Variants in ALG6 observed in about 807,000 individuals in gnomAD.
ALG6 encodes dolichyl pyrophosphate Man9GlcNAc2 alpha-1,3-glucosyltransferase.
In ALG6, 46 loss-of-function variants were observed where a neutral mutation model predicts 66.6. That is an observed-to-expected ratio of 0.69 (90% CI 0.55 to 0.88). ALG6 has a LOEUF of 0.88. Among genes scored for constraint, ALG6 ranks in the 40% least tolerant of loss-of-function variants. The pLI, the probability that ALG6 is intolerant of heterozygous loss-of-function variation, is 0.00. For synonymous variants in ALG6, 185 were observed against 203.7 expected, an observed-to-expected ratio of 0.91 and a Z score of 0.78; for missense variants, 505 against 586.8, an observed-to-expected ratio of 0.86 and a Z score of 1.44.
chr1:63,392,708 T>C (rs1376571596), intron 2 of ALG6, among the ~76,000 whole-genome samples: 1 of 152,214 alleles, frequency 6.6e-6, no homozygotes, highest in African/African-American at 2.4e-5. Context: ...TAGTGTGTTT[T>C]CTTTATGTAA....
At chr1:63,371,294 T>G (rs1235545835) in intron 2 of ALG6, 4 of 510,820 alleles carry the variant, frequency 7.8e-6, no homozygotes, top group Non-Finnish European at 1.1e-5. Context: ...ACAGGTAAGA[T>G]GACAAATTGA....
chr1:63,426,557 T>C (rs1644616341), intron 12 of ALG6, among the ~76,000 whole-genome samples: 1 of 152,182 alleles, frequency 6.6e-6, no homozygotes, highest in African/African-American at 2.4e-5. Context: ...AGTAAGTTTT[T>C]TTAAGAGACA....
At chr1:63,423,904 G>A (rs1017459363) in intron 12 of ALG6, among the ~76,000 whole-genome samples, 4 of 152,154 alleles carry the variant, frequency 2.6e-5, no homozygotes, top group African/African-American at 9.7e-5. Context: ...CTTTTCCATA[G>A]TGGCTGCACC....
chr1:63,376,000 A>C (rs1443464559), intron 2 of ALG6, among the ~76,000 whole-genome samples: 1 of 151,220 alleles, frequency 6.6e-6, no homozygotes, highest in East Asian at 1.9e-4. Context: ...TAAAACAATC[A>C]GTCTTATTAG....
chr1:63,384,789 ATGTG>A (rs1648447299), intron 2 of ALG6, among the ~76,000 whole-genome samples: 1 of 151,960 alleles, frequency 6.6e-6, no homozygotes, highest in Non-Finnish European at 1.5e-5. Context: ...TTCACTGTAG[ATGTG>A]TGTATTTGTT....
chr1:63,392,800 A>G (rs918067555), intron 2 of ALG6, among the ~76,000 whole-genome samples: 1 of 152,180 alleles, frequency 6.6e-6, no homozygotes, highest in Non-Finnish European at 1.5e-5. Context: ...TGAAGCTCCC[A>G]TAGGTACAGT....
chr1:63,410,237 C>T, intron 7 of ALG6, among the ~76,000 whole-genome samples: 1 of 152,106 alleles, frequency 6.6e-6, no homozygotes, highest in Non-Finnish European at 1.5e-5. Flanking sequence ...CTCCCATTCT[C>T]TTTATGGCTG....
chr1:63,422,286 TATATTTATATAGATATAA>T (rs1644586079), intron 12 of ALG6, among the ~76,000 whole-genome samples: 1 of 75,648 alleles, frequency 1.3e-5, no homozygotes, highest in Non-Finnish European at 2.3e-5. Flanking sequence ...TATAAATATA[TATATTTATATAGATATAA>T]ATATATATCT....
At position 63,436,882 on chromosome 1, in the gene ALG6, TCC is replaced by T. The variant is rs774242915; in HGVS notation, c.1387_1388del (p.Pro463SerfsTer27). 7 of 1,613,738 alleles carry T rather than the reference TCC, an allele frequency of 4.3e-6. No individual in the cohort carries two copies. In the African/African-American group the frequency reaches 9.3e-5, roughly 22 times the overall value. ...CGTTGATGACTGTCACACTGGATCC[TCC>T]TCAGAAACTACCGGACTTGTTTTCT... is the stretch of plus-strand genomic sequence containing the variant. ...LTLMTVTLDP[P>X]QKLPDLFSVL... On this transcript the variant is annotated frameshift_variant, in exon 15 of 15. Coordinates refer to ENST00000263440, the MANE Select transcript of ALG6 (RefSeq NM_013339.4). LOFTEE classifies it high-confidence loss of function.
At chr1:63,428,381 T>A (rs1644628056) in intron 12 of ALG6, 1 of 182,284 alleles carries the variant, frequency 5.5e-6, no homozygotes, top group Admixed American at 5.8e-5. Flanking sequence ...ATACTGGGAA[T>A]TCATATTTAC....
At chr1:63,405,086 A>G (rs557047926) in intron 5 of ALG6, among the ~76,000 whole-genome samples, 1 of 152,124 alleles carries the variant, frequency 6.6e-6, no homozygotes, top group Non-Finnish European at 1.5e-5. Flanking sequence ...AGAGCTTTAC[A>G]TGACTTATGC....
intron 14 of ALG6, chr1:63,429,747 A>G (rs1469584437): frequency 6.6e-6 from 1 of 152,296 alleles, no homozygotes; most frequent in African/African-American, 2.4e-5. Flanking sequence ...ATATCTCCAA[A>G]TAACAGTCAC....
intron 11 of ALG6, among the ~76,000 whole-genome samples, chr1:63,418,263 A>G (rs1391350928): frequency 1.3e-5 from 2 of 148,814 alleles, no homozygotes; most frequent in African/African-American, 4.9e-5. Context: ...GAGTAGCTTT[A>G]TTATTAAATA....
At chr1:63,386,775 A>G (rs1648516798) in intron 2 of ALG6, among the ~76,000 whole-genome samples, 1 of 151,606 alleles carries the variant, frequency 6.6e-6, no homozygotes, top group African/African-American at 2.4e-5. Context: ...TGTTTTGTTG[A>G]TCTTTCAACT....
chr1:63,422,340 TATAA>T (rs1451806190), intron 12 of ALG6, among the ~76,000 whole-genome samples: 1 of 107,544 alleles, frequency 9.3e-6, no homozygotes, highest in African/African-American at 4.2e-5. Context: ...TCTATAGGAA[TATAA>T]ATATATATCT....
At chr1:63,370,749 A>G (rs904999510) in intron 1 of ALG6, 22 bp from the exon 2 acceptor site, 2 of 552,568 alleles carry the variant, frequency 3.6e-6, no homozygotes, top group African/African-American at 1.9e-5. Flanking sequence ...CTGAATCTTG[A>G]TATCTTTTTT....
At chr1:63,370,490 A>G (rs539886279) in intron 1 of ALG6, among the ~76,000 whole-genome samples, 17 of 152,290 alleles carry the variant, frequency 1.1e-4, no homozygotes, top group South Asian at 4.1e-4. Flanking sequence ...CATTATCTAC[A>G]TATGTGTTGT....
intron 1 of ALG6, among the ~76,000 whole-genome samples, chr1:63,369,964 G>GAAT (rs1647860195): frequency 6.6e-6 from 1 of 151,846 alleles, no homozygotes; most frequent in Non-Finnish European, 1.5e-5. Flanking sequence ...GATCACAGGC[G>GAAT]AGCGCCACCA....
chr1:63,370,993 T>C lies in ALG6; in HGVS notation c.16T>C (p.Leu6=), dbSNP rs1439550994. The part of the protein sequence containing the change: MEKWY[L]MTVVVLIGLT... ...TTGAAGAACTATGGAGAAATGGTAC[T>C]TGATGACAGTAGTGGTTTTAATAGG... The change falls in exon 2 of 15, where the codon TTG becomes CTG. Residue 6 remains leucine, a synonymous_variant. Transcript: ENST00000263440. 1.2e-6 allele frequency: 2 copies of C among 1,608,968 alleles called. No individual in the cohort carries two copies. Among genetic ancestry groups the C allele is most frequent in the Admixed American group, 1.7e-5 (1 of 60,022 alleles).
Sources: allele counts gnomAD v4.1 joint callset (sites outside exome capture counted in the v4.1 genomes callset), GRCh38; gene constraint gnomAD v4.1.1; transcripts MANE v1.5; gene names NCBI Gene and HGNC (gene_info 2026-07-23, HGNC 2026-07-21).